LRPPRC: variants seen among roughly 807,000 people sequenced by gnomAD.
LRPPRC encodes leucine rich pentatricopeptide repeat containing.
In LRPPRC, 120 loss-of-function variants were observed where a neutral mutation model predicts 180.3. The observed-to-expected ratio is 0.67, with a 90% CI of 0.57 to 0.77. The LOEUF (loss-of-function observed/expected upper bound fraction) is 0.77, where lower values mean the gene tolerates loss of function less well. Among genes scored for constraint, LRPPRC ranks in the 30% least tolerant of loss-of-function variants. LRPPRC has a pLI of 0.00. For synonymous variants in LRPPRC, 723 were observed against 600.0 expected, an observed-to-expected ratio of 1.21 and a Z score of -3.00; for missense variants, 2,012 against 1,657.2, an observed-to-expected ratio of 1.21 and a Z score of -3.72.
chr2:43,894,840 T>G (rs1670623652), intron 35 of LRPPRC, among the ~76,000 whole-genome samples: 1 of 152,228 alleles, frequency 6.6e-6, no homozygotes, highest in Admixed American at 6.5e-5. Flanking sequence ...CACAGGTTAA[T>G]GCAATTCCAC....
At chr2:43,934,715 G>GGA (rs147440607) in intron 24 of LRPPRC, 39 bp downstream of exon 24, 1 of 1,549,902 alleles carries the variant, frequency 6.5e-7, no homozygotes, top group African/African-American at 1.4e-5. Flanking sequence ...AGCAAGAAGG[G>GGA]AAAAAAAAAC....
chr2:43,955,434 A>G (rs1673069931), intron 14 of LRPPRC, among the ~76,000 whole-genome samples: 1 of 150,508 alleles, frequency 6.6e-6, no homozygotes, highest in Admixed American at 6.7e-5. Flanking sequence ...GTACCACTGC[A>G]CTGCAGCCTG....
chr2:43,949,319 G>A (rs991369923), intron 16 of LRPPRC, among the ~76,000 whole-genome samples: 1 of 152,000 alleles, frequency 6.6e-6, no homozygotes, highest in Admixed American at 6.6e-5. Flanking sequence ...TAAATACTAA[G>A]AATCACTGAT....
Position 43,975,101 on chromosome 2 carries a change from T to G in LRPPRC, c.854A>C (p.His285Pro), listed in dbSNP as rs773339218. 1 of 1,613,016 alleles carries G rather than the reference T, an allele frequency of 6.2e-7. No individual in the cohort carries two copies. The part of the protein sequence containing the change: ...NAYAEKGDID[H>P]VKQTLEKVEK... ...AGACATAAGTCATACCTGCTTAACATGGTCAATGTCGCCCTTCTCAGCATA... is the reference window on the plus strand; with the variant it reads ...AGACATAAGTCATACCTGCTTAACAGGGTCAATGTCGCCCTTCTCAGCATA... The change falls in exon 7 of 38, where the codon CAT (histidine) becomes CCT (proline). Residue 285 changes from histidine (H) to proline (P), a missense_variant. Physicochemically the swap from His to Pro is moderately conservative, Grantham distance 77. Coordinates refer to ENST00000260665, the MANE Select transcript of LRPPRC (RefSeq NM_133259.4).
rs2103736088 is a variant in LRPPRC at position 43,979,941 on chromosome 2, T to C, written c.354A>G (p.Leu118=). The part of the protein sequence containing the change: ...VFNDTCRSGG[L]GGSHALLLLR... ...GTAGAAGCAAGGCATGACTACCACC[T>C]AGGCCACCTGTGGAAAAAAGGTTAA... Residue 118 remains leucine (L), a synonymous_variant, in exon 3 of 38, where the codon CTA becomes CTG. Transcript: ENST00000260665. 1 of 1,613,840 alleles carries C rather than the reference T, an allele frequency of 6.2e-7. No individual in the cohort carries two copies. Among genetic ancestry groups the C allele is most frequent in the Admixed American group, 1.7e-5 (1 of 60,012 alleles).
intron 36 of LRPPRC, among the ~76,000 whole-genome samples, chr2:43,894,063 G>C (rs1670594423): frequency 1.3e-5 from 2 of 152,054 alleles, no homozygotes; most frequent in South Asian, 4.1e-4. Context: ...ATTTGAACTG[G>C]GACGTAAAAA....
chr2:43,888,107 G>C lies in LRPPRC; in HGVS notation c.*493C>G, dbSNP rs1346420097. ...TCTCACTGGAAAATGATGAAGCCTA[G>C]ATCTGATGACTCCTAGTGCCAACAT... is the stretch of plus-strand genomic sequence containing the variant. On this transcript the variant is annotated 3_prime_UTR_variant, in exon 38 of 38. Coordinates refer to ENST00000260665, the MANE Select transcript of LRPPRC (RefSeq NM_133259.4). 7.6e-5 allele frequency: 13 copies of C among 170,336 alleles called. No individual in the cohort carries two copies. The highest frequency in any genetic ancestry group is 2.5e-5 in the Non-Finnish European group (2 of 79,292). The allele number at this position is 170,336 out of a possible 1,614,324, so 10.6% of individuals were successfully genotyped here. A position where few individuals can be genotyped will look rare whatever the true frequency, so the allele number is the denominator to read the frequency against.
At chr2:43,926,751 T>C (rs1572929351) in intron 25 of LRPPRC, among the ~76,000 whole-genome samples, 3 of 152,202 alleles carry the variant, frequency 2.0e-5, no homozygotes, top group East Asian at 1.9e-4. Flanking sequence ...ACAAAAATTA[T>C]CAATGTTACA....
In LRPPRC at chr2:43,960,055, T is replaced by A. The variant is rs1210740575; in HGVS notation, c.1582+486A>T. On this transcript the variant is annotated intron_variant, in intron 13 of 37. Transcript: ENST00000260665. ...AATTGTATTAACATGTGATGAGCAT[T>A]ATAAAGCACACTAGTGTTTAAAAAT... 5.3e-5 allele frequency among the ~76,000 whole-genome samples: 8 copies of A among 152,350 alleles called. No individual in the cohort carries two copies. In the East Asian group the frequency reaches 1.3e-3, roughly 26 times the overall value.
At chr2:43,972,771 C>T (rs747509284) in intron 11 of LRPPRC, among the ~76,000 whole-genome samples, 27 of 152,208 alleles carry the variant, frequency 1.8e-4, no homozygotes, top group Admixed American at 5.2e-4. Context: ...GCTAAAAGCA[C>T]TTTTTTTGTT....
chr2:43,937,433 A>T (rs1314393232), intron 23 of LRPPRC, among the ~76,000 whole-genome samples: 6 of 152,182 alleles, frequency 3.9e-5, no homozygotes, highest in Admixed American at 3.9e-4. Context: ...TTTAAAAGAC[A>T]AAAATTTACA....
At chr2:43,924,413 G>A (rs2105039211) in intron 27 of LRPPRC, among the ~76,000 whole-genome samples, 1 of 152,294 alleles carries the variant, frequency 6.6e-6, no homozygotes, top group African/African-American at 2.4e-5. Context: ...AAACAGTTAA[G>A]GATGTGAATG....
intron 27 of LRPPRC, among the ~76,000 whole-genome samples, chr2:43,920,728 G>A (rs1325597984): frequency 4.0e-5 from 6 of 151,670 alleles, no homozygotes; most frequent in African/African-American, 1.5e-4. Flanking sequence ...TTATTCTGCA[G>A]TGGAGCACTT....
intron 1 of LRPPRC, 36 bp from the exon 2 acceptor site, chr2:43,982,470 C>T (rs746194991): frequency 1.3e-6 from 2 of 1,497,128 alleles, no homozygotes; most frequent in South Asian, 1.1e-5. Context: ...TAATCAGTTG[C>T]TATCTATTTA....
rs139434328 is a variant in LRPPRC, at chr2:43,934,830, C to G, written c.2553G>C (p.Lys851Asn). 9 of 1,612,556 alleles carry G rather than the reference C, an allele frequency of 5.6e-6. No homozygotes were observed. The highest frequency in any genetic ancestry group is 7.6e-6 in the Non-Finnish European group (9 of 1,178,798). Reference sequence around the variant, plus strand: ...CATGAATCCTTGGTAATACTTTATACTTTTCATAGCAGTCAATGGCGACCT... The same window carrying G: ...CATGAATCCTTGGTAATACTTTATAGTTTTCATAGCAGTCAATGGCGACCT... ...ALEVAIDCYEKYKVLPRIHDV... is the reference protein window; with the variant it reads ...ALEVAIDCYENYKVLPRIHDV... Residue 851 changes from lysine (K) to asparagine (N), a missense_variant, in exon 24 of 38, where the codon AAG becomes AAC. Physicochemically the swap from Lys to Asn is moderately conservative, Grantham distance 94. Coordinates refer to ENST00000260665, the MANE Select transcript of LRPPRC (RefSeq NM_133259.4).
chr2:43,948,167 G>A lies in LRPPRC; in HGVS notation c.1875C>T (p.Gly625=), dbSNP rs762210835. The A allele has an allele frequency of 1.4e-4, 221 of 1,607,022 alleles. 1 individual carries two copies. The highest frequency in any genetic ancestry group is 1.8e-4 in the Non-Finnish European group (217 of 1,173,786). The part of the protein sequence containing the change: ...NVKIPENIYR[G]IRNLLESYHV... ...GGTAGCTTTCCAGGAGATTACGAAT[G>A]CCTCTGTAGATATTTTCAGGAATTT... is the stretch of plus-strand genomic sequence containing the variant. The change falls in exon 18 of 38, where the codon GGC becomes GGT. Residue 625 remains glycine, a synonymous_variant. Transcript: ENST00000260665.
Position 43,974,993 on chromosome 2 carries a change from G to C in LRPPRC, c.864+98C>G, listed in dbSNP as rs991932663. ...CTACTTTCTGCAAGGAAACATCTTT[G>C]AAAACAGGTATAAACTTCACTTTCC... On this transcript the variant is annotated intron_variant, in intron 7 of 37. Coordinates refer to ENST00000260665, the MANE Select transcript of LRPPRC (RefSeq NM_133259.4). 9 of 1,278,816 alleles carry C rather than the reference G, an allele frequency of 7.0e-6. No homozygotes were observed. The African/African-American group carries it at 1.2e-4, about 17-fold the overall frequency. 79.2% of individuals were successfully genotyped at this position (1,278,816 alleles called of 1,614,324 possible). A position where few individuals can be genotyped will look rare whatever the true frequency, so the allele number is the denominator to read the frequency against.
rs1408952346 is a variant in LRPPRC at position 43,899,467 on chromosome 2, C to T, written c.3708G>A (p.Lys1236=). Residue 1236 remains lysine (K), a splice_region_variant and synonymous_variant, in exon 33 of 38, where the codon AAG becomes AAA. Coordinates refer to ENST00000260665, the MANE Select transcript of LRPPRC (RefSeq NM_133259.4). ...IEEQLEPAVE[K]ISIMAERLAN... is the part of the protein sequence containing the mutation. ...CTTTAGCACAAACAACTAACTTACT[C>T]TTTTCAACTGCTGGTTCCAACTGCT... 6.2e-7 allele frequency: 1 copy of T among 1,614,060 alleles called. No individual in the cohort carries two copies. Among genetic ancestry groups the T allele is most frequent in the Non-Finnish European group, 8.5e-7 (1 of 1,180,028 alleles).
At chr2:43,971,992 T>G (rs148495909) in intron 11 of LRPPRC, among the ~76,000 whole-genome samples, 75 of 152,356 alleles carry the variant, frequency 4.9e-4, no homozygotes, top group African/African-American at 1.7e-3. Flanking sequence ...ATTCACTCTC[T>G]TTTAGCAATG....
Sources: gnomAD v4.1 joint callset for allele counts (sites outside exome capture counted in the v4.1 genomes callset) on GRCh38, gnomAD v4.1.1 for gene constraint, MANE v1.5 for transcripts, NCBI Gene and HGNC (gene_info 2026-07-23, HGNC 2026-07-21) for gene names.